OPCML: variants seen among roughly 807,000 people sequenced by gnomAD.
OPCML encodes the protein opioid binding protein/cell adhesion molecule like, also known as opioid-binding protein/cell adhesion molecule.
In OPCML, 13 loss-of-function variants were observed where a neutral mutation model predicts 37.8. That is an observed-to-expected ratio of 0.34 (90% CI 0.22 to 0.55). The LOEUF (loss-of-function observed/expected upper bound fraction) is 0.55, where lower values mean the gene tolerates loss of function less well. Ranked by LOEUF, OPCML falls within the 20% of genes least tolerant of loss-of-function variation. The probability of loss-of-function intolerance (pLI) is 0.91; values close to 1 mark genes in which losing one functional copy is unlikely to be tolerated. For missense variants in OPCML, 341 were observed against 435.6 expected (o/e 0.78, Z 1.93); for synonymous variants, 176 against 168.8 (o/e 1.04, Z -0.33).
intron 2 of OPCML, among the ~76,000 whole-genome samples, chr11:132,719,310 A>G (rs1944598174): frequency 6.6e-6 from 1 of 152,118 alleles, no homozygotes; most frequent in African/African-American, 2.4e-5. Flanking sequence ...TCCTGTTCAT[A>G]TGTTTGGTTT....
At chr11:133,075,122 G>A (rs1948601694) in intron 1 of OPCML, among the ~76,000 whole-genome samples, 1 of 152,156 alleles carries the variant, frequency 6.6e-6, no homozygotes, top group African/African-American at 2.4e-5. Context: ...AGACTGAGTA[G>A]TAGACAAGGC....
At chr11:133,459,371 C>A (rs1216669107) in intron 1 of OPCML, among the ~76,000 whole-genome samples, 4 of 151,860 alleles carry the variant, frequency 2.6e-5, no homozygotes, top group Admixed American at 2.6e-4. Flanking sequence ...AAAAAGTGTC[C>A]TTATTAGTAG....
chr11:132,694,179 C>CTTTTTTTTTT lies in OPCML; in HGVS notation c.147-36870_147-36861dup, dbSNP rs1162305568. Among the ~76,000 whole-genome samples, 7 of 43,016 alleles carry CTTTTTTTTTT rather than the reference C, an allele frequency of 1.6e-4. 1 individual carries two copies. The highest frequency in any genetic ancestry group is 5.4e-4 in the African/African-American group (6 of 11,034). The allele number at this position is 43,016 out of a possible 152,430, so 28.2% of individuals were successfully genotyped here. A position where few individuals can be genotyped will look rare whatever the true frequency, so the allele number is the denominator to read the frequency against. ...GAGTTTCGTTCTGTGAAATCAATGTCTTTTTTTTTTTTTTTTTTTTTTTTT... is the reference window on the plus strand; with the variant it reads ...GAGTTTCGTTCTGTGAAATCAATGTCTTTTTTTTTTTTTTTTTTTTTTTTTTTTTTTTTTT... On this transcript the variant is annotated intron_variant, in intron 2 of 7. Transcript: ENST00000524381.
At chr11:132,720,877 AT>A (rs1039278161) in intron 2 of OPCML, among the ~76,000 whole-genome samples, 1 of 152,148 alleles carries the variant, frequency 6.6e-6, no homozygotes, top group Non-Finnish European at 1.5e-5. Flanking sequence ...CATGCCTGTC[AT>A]TTTTTTCCCT....
chr11:133,115,406 C>T (rs138316239), intron 1 of OPCML, among the ~76,000 whole-genome samples: 3 of 152,236 alleles, frequency 2.0e-5, no homozygotes, highest in South Asian at 2.1e-4. Flanking sequence ...TCCGAGGAAC[C>T]GATCTCCCCG....
intron 1 of OPCML, among the ~76,000 whole-genome samples, chr11:133,268,704 G>T (rs1941730202): frequency 6.6e-6 from 1 of 152,166 alleles, no homozygotes; most frequent in South Asian, 2.1e-4. Flanking sequence ...ACTGTGATTA[G>T]TACTGAGCAA....
At chr11:133,252,709 C>T (rs1941174839) in intron 1 of OPCML, among the ~76,000 whole-genome samples, 1 of 152,214 alleles carries the variant, frequency 6.6e-6, no homozygotes, top group Non-Finnish European at 1.5e-5. Flanking sequence ...AGCATGACAG[C>T]CACTCGGGCT....
intron 3 of OPCML, among the ~76,000 whole-genome samples, chr11:132,643,484 C>G (rs949226924): frequency 6.6e-6 from 1 of 152,178 alleles, no homozygotes; most frequent in Non-Finnish European, 1.5e-5. Flanking sequence ...TTTCCCACCC[C>G]CAACCAGGGA....
chr11:132,893,441 T>G (rs933183914), intron 2 of OPCML, among the ~76,000 whole-genome samples: 5 of 152,164 alleles, frequency 3.3e-5, no homozygotes, highest in Admixed American at 1.3e-4. Context: ...ACCTGTGCTT[T>G]TGTTTGGTTC....
chr11:132,738,982 A>T (rs1945350186), intron 2 of OPCML, among the ~76,000 whole-genome samples: 1 of 152,308 alleles, frequency 6.6e-6, no homozygotes, highest in Middle Eastern at 3.4e-3. Context: ...GCAGATGGAA[A>T]AAAAAGCCTC....
chr11:132,965,543 GTTTT>G (rs1319012263), intron 1 of OPCML, among the ~76,000 whole-genome samples: 3 of 151,890 alleles, frequency 2.0e-5, no homozygotes, highest in Non-Finnish European at 4.4e-5. Context: ...TTGTTTGTTT[GTTTT>G]CTTTTTGAGA....
At chr11:133,250,513 A>T in intron 1 of OPCML, among the ~76,000 whole-genome samples, 1 of 101,908 alleles carries the variant, frequency 9.8e-6, no homozygotes. Context: ...GGAGGGAGAG[A>T]GGGAGGGAAG....
intron 3 of OPCML, among the ~76,000 whole-genome samples, chr11:132,610,045 A>G (rs962894866): frequency 5.9e-5 from 9 of 152,142 alleles, no homozygotes; most frequent in African/African-American, 9.7e-5. Context: ...CATTTTTCAA[A>G]TAAATTTAGC....
chr11:133,178,910 T>C (rs1937688085), intron 1 of OPCML, among the ~76,000 whole-genome samples: 2 of 152,166 alleles, frequency 1.3e-5, no homozygotes, highest in Admixed American at 1.3e-4. Flanking sequence ...TTCTTCTATT[T>C]TGGATTTATG....
intron 4 of OPCML, among the ~76,000 whole-genome samples, chr11:132,477,001 T>C (rs1464282112): frequency 6.6e-6 from 1 of 152,204 alleles, no homozygotes; most frequent in African/African-American, 2.4e-5. Flanking sequence ...ATTAATATGA[T>C]TTTTGTCAAA....
Position 132,823,394 on chromosome 11 carries a change from G to T in OPCML, c.146+119532C>A, listed in dbSNP as rs142520592. The stretch of plus-strand genomic sequence containing the variant: ...CCCCTTCCTCCCACTTGCTAAAAAA[G>T]TTGATGTCTCTCAACCACTATTGGT... On this transcript the variant is annotated intron_variant, in intron 2 of 7. Coordinates refer to ENST00000524381, the MANE Select transcript of OPCML (RefSeq NM_001012393.5). 2.2e-4 allele frequency among the ~76,000 whole-genome samples: 33 copies of T among 152,198 alleles called. No homozygotes were observed. The South Asian group carries it at 2.3e-3, about 11-fold the overall frequency.
intron 3 of OPCML, among the ~76,000 whole-genome samples, chr11:132,568,683 T>TCCTGCCAA (rs1013749997): frequency 4.9e-4 from 74 of 152,296 alleles, no homozygotes; most frequent in Admixed American, 4.3e-3. Context: ...AGAAGAATGG[T>TCCTGCCAA]CCTGCCAACA....
chr11:132,475,588 G>C (rs888104864), intron 4 of OPCML, among the ~76,000 whole-genome samples: 1 of 152,124 alleles, frequency 6.6e-6, no homozygotes, highest in Non-Finnish European at 1.5e-5. Flanking sequence ...AAGAACATGT[G>C]AAGAGGCTGC....
chr11:133,382,042 C>A (rs1944940978), intron 1 of OPCML, among the ~76,000 whole-genome samples: 1 of 152,238 alleles, frequency 6.6e-6, no homozygotes, highest in Non-Finnish European at 1.5e-5. Context: ...AAGTGCCAGG[C>A]TCTTGCAGGC....
Sources: gnomAD v4.1 joint callset for allele counts (sites outside exome capture counted in the v4.1 genomes callset) on GRCh38, gnomAD v4.1.1 for gene constraint, MANE v1.5 for transcripts, NCBI Gene and HGNC (gene_info 2026-07-23, HGNC 2026-07-21) for gene names.